Variants in ZNF385C observed in about 807,000 individuals in gnomAD.
ZNF385C encodes the protein zinc finger protein 385C, also known as CTD-2132N18.2.
A neutral mutation model predicts 35.4 loss-of-function variants in ZNF385C; 28 were observed. The observed-to-expected ratio is 0.79, with a 90% CI of 0.59 to 1.08. ZNF385C has a LOEUF of 1.08. Among genes scored for constraint, ZNF385C ranks in the 50% least tolerant of loss-of-function variants. The pLI, the probability that ZNF385C is intolerant of heterozygous loss-of-function variation, is 0.00. For missense variants in ZNF385C, 605 were observed against 595.6 expected, an observed-to-expected ratio of 1.02 and a Z score of -0.16; for synonymous variants, 248 against 248.2, an observed-to-expected ratio of 1.00 and a Z score of 0.01.
intron 1 of ZNF385C, among the ~76,000 whole-genome samples, chr17:42,083,394 G>A (rs914733017): frequency 1.3e-5 from 2 of 151,656 alleles, no homozygotes; most frequent in Non-Finnish European, 2.9e-5. Context: ...TGGTAGAGAC[G>A]GGGTTTCACC....
At chr17:42,083,955 G>A (rs887669842) in intron 1 of ZNF385C, among the ~76,000 whole-genome samples, 2 of 151,868 alleles carry the variant, frequency 1.3e-5, no homozygotes, top group Admixed American at 6.6e-5. Flanking sequence ...CTGACCTCAG[G>A]TGAACAACCT....
intron 1 of ZNF385C, among the ~76,000 whole-genome samples, chr17:42,081,751 C>A (rs1426930231): frequency 6.6e-6 from 1 of 152,178 alleles, no homozygotes; most frequent in East Asian, 1.9e-4. Context: ...GATTGACATG[C>A]AGCCAACAGT....
chr17:42,031,024 C>A (rs958492959), intron 5 of ZNF385C, among the ~76,000 whole-genome samples: 1 of 137,218 alleles, frequency 7.3e-6, no homozygotes, highest in Non-Finnish European at 1.5e-5. Flanking sequence ...TTGTTGTTTT[C>A]AGTCACCCAG....
chr17:42,090,200 C>G (rs1567998047), intron 1 of ZNF385C, among the ~76,000 whole-genome samples: 1 of 151,088 alleles, frequency 6.6e-6, no homozygotes, highest in African/African-American at 2.4e-5. Flanking sequence ...TGATATTTAA[C>G]TATCACCTCT....
intron 1 of ZNF385C, among the ~76,000 whole-genome samples, chr17:42,080,869 G>A (rs910674915): frequency 2.0e-5 from 3 of 152,254 alleles, no homozygotes; most frequent in Non-Finnish European, 4.4e-5. Flanking sequence ...CTGGAAGGCA[G>A]GGGAGGGTGA....
At chr17:42,057,857 C>T (rs1555657683) in intron 2 of ZNF385C, among the ~76,000 whole-genome samples, 1 of 151,952 alleles carries the variant, frequency 6.6e-6, no homozygotes, top group Non-Finnish European at 1.5e-5. Flanking sequence ...ACAGGAGAAT[C>T]GCTTGAACCT....
chr17:42,073,231 G>T (rs1031662260), intron 1 of ZNF385C, among the ~76,000 whole-genome samples: 3 of 152,140 alleles, frequency 2.0e-5, no homozygotes, highest in Admixed American at 6.5e-5. Flanking sequence ...GAGGTCAGGA[G>T]TTCGAGACCA....
chr17:42,081,897 C>T (rs2053753413), intron 1 of ZNF385C, among the ~76,000 whole-genome samples: 1 of 152,204 alleles, frequency 6.6e-6, no homozygotes. Flanking sequence ...CCAGCATCAA[C>T]AGGTGCCCAG....
At chr17:42,047,260 C>T (rs1342922768) in intron 2 of ZNF385C, among the ~76,000 whole-genome samples, 2 of 152,156 alleles carry the variant, frequency 1.3e-5, no homozygotes, top group African/African-American at 2.4e-5. Context: ...TCTTGATCTC[C>T]TGACCTCGTG....
At chr17:42,082,019 C>G (rs1555659755) in intron 1 of ZNF385C, among the ~76,000 whole-genome samples, 1 of 152,208 alleles carries the variant, frequency 6.6e-6, no homozygotes, top group Non-Finnish European at 1.5e-5. Context: ...CTCCCATGAG[C>G]ACTGTCCCAC....
intron 1 of ZNF385C, among the ~76,000 whole-genome samples, chr17:42,085,426 G>T (rs559290565): frequency 6.6e-6 from 1 of 150,974 alleles, no homozygotes; most frequent in Non-Finnish European, 1.5e-5. Context: ...GCGCCACCAC[G>T]TCCGGCTAAT....
At chr17:42,079,789 T>C (rs1555659597) in intron 1 of ZNF385C, among the ~76,000 whole-genome samples, 3 of 152,018 alleles carry the variant, frequency 2.0e-5, no homozygotes, top group Non-Finnish European at 4.4e-5. Context: ...TAGAAAGAAC[T>C]TCCTCACAGC....
At chr17:42,058,558 C>A (rs2053414696) in intron 2 of ZNF385C, among the ~76,000 whole-genome samples, 1 of 152,224 alleles carries the variant, frequency 6.6e-6, no homozygotes, top group African/African-American at 2.4e-5. Flanking sequence ...CTGGCCTAGT[C>A]CCCACCTGGG....
Position 42,090,161 on chromosome 17 carries a change from T to A in ZNF385C, c.-3+8249A>T, listed in dbSNP as rs182374005. The stretch of plus-strand genomic sequence containing the variant: ...TCTCTGCCTTGAGTGCTCTTTTCCT[T>A]CTGACCCCTCCCTCCTCCTTCTCAT... On this transcript the variant is annotated intron_variant, in intron 1 of 8. Coordinates refer to ENST00000692273, the MANE Select transcript of ZNF385C (RefSeq NM_001392013.1). Among the ~76,000 whole-genome samples the A allele has an allele frequency of 3.0e-4, 46 of 151,928 alleles. No homozygotes were observed. In the East Asian group the frequency reaches 6.0e-3, roughly 20 times the overall value.
chr17:42,092,325 T>C (rs2053870771), intron 1 of ZNF385C, among the ~76,000 whole-genome samples: 1 of 151,498 alleles, frequency 6.6e-6, no homozygotes, highest in Non-Finnish European at 1.5e-5. Flanking sequence ...CTTGTGAACC[T>C]GGGAGGGGGA....
chr17:42,083,531 A>G (rs1014780892), intron 1 of ZNF385C, among the ~76,000 whole-genome samples: 9 of 152,036 alleles, frequency 5.9e-5, no homozygotes, highest in East Asian at 1.9e-4. Context: ...TAAAAAACCA[A>G]TCACACTACA....
Position 42,034,215 on chromosome 17 carries a change from T to A in ZNF385C, c.510+10A>T, listed in dbSNP as rs2052790902. ...CCCTCCCCAGACCTGCTTTCACTACTTTGTCTCACCGCTGAGTTGAACCTC... is the reference window on the plus strand; with the variant it reads ...CCCTCCCCAGACCTGCTTTCACTACATTGTCTCACCGCTGAGTTGAACCTC... On this transcript the variant is annotated intron_variant, in intron 4 of 8. Coordinates refer to ENST00000692273, the MANE Select transcript of ZNF385C (RefSeq NM_001392013.1). 2 of 1,549,072 alleles carry A rather than the reference T, an allele frequency of 1.3e-6. No homozygotes were observed.
intron 2 of ZNF385C, chr17:42,061,740 T>G (rs920536915): frequency 6.6e-6 from 1 of 152,628 alleles, no homozygotes; most frequent in Non-Finnish European, 1.5e-5. Context: ...CTCAGCCCCC[T>G]CTTCCTTCAG....
chr17:42,028,007 C>A, intron 7 of ZNF385C, 43 bp downstream of exon 7: 1 of 1,597,952 alleles, frequency 6.3e-7, no homozygotes, highest in South Asian at 1.1e-5. Flanking sequence ...CCCCCAACCC[C>A]CTCCCCTGGC....
Sources: gnomAD v4.1 joint callset for allele counts (sites outside exome capture counted in the v4.1 genomes callset) on GRCh38, gnomAD v4.1.1 for gene constraint, MANE v1.5 for transcripts, NCBI Gene and HGNC (gene_info 2026-07-23, HGNC 2026-07-21) for gene names.